The following ADAMTS3 variants were observed in gnomAD, a reference collection of about 807,000 sequenced individuals.
The protein encoded by ADAMTS3 is ADAM metallopeptidase with thrombospondin type 1 motif 3.
Under a neutral mutation model 129.0 loss-of-function variants are expected in ADAMTS3, and 73 were observed. The observed-to-expected ratio is 0.57, with a 90% CI of 0.47 to 0.69. The LOEUF (loss-of-function observed/expected upper bound fraction) is 0.69, where lower values mean the gene tolerates loss of function less well. ADAMTS3 is among the 30% of genes least tolerant of loss of function. The pLI is 0.00. For synonymous variants in ADAMTS3, 477 were observed against 510.8 expected (o/e 0.93, Z 0.89); for missense variants, 1,457 against 1,514.5 (o/e 0.96, Z 0.63).
chr4:72,561,709 T>C (rs979479536), intron 2 of ADAMTS3, among the ~76,000 whole-genome samples: 13 of 152,212 alleles, frequency 8.5e-5, no homozygotes, highest in Non-Finnish European at 1.6e-4. Flanking sequence ...TGAGGAATCA[T>C]ATATTTAATC....
At chr4:72,458,840 A>C (rs72853004) in intron 3 of ADAMTS3, among the ~76,000 whole-genome samples, 2 of 151,644 alleles carry the variant, frequency 1.3e-5, no homozygotes, top group Middle Eastern at 3.4e-3. Context: ...TTCAGTAAGA[A>C]CAAGGCTGAA....
intron 4 of ADAMTS3, among the ~76,000 whole-genome samples, chr4:72,347,748 T>C (rs1446970214): frequency 1.3e-5 from 2 of 151,894 alleles, no homozygotes; most frequent in Admixed American, 6.6e-5. Context: ...ATCAAGGAGG[T>C]AATAGAAGAG....
chr4:72,469,800 A>G (rs1167524704), intron 3 of ADAMTS3, among the ~76,000 whole-genome samples: 1 of 152,168 alleles, frequency 6.6e-6, no homozygotes, highest in African/African-American at 2.4e-5. Context: ...AATGAATAAT[A>G]AATACATTTT....
At chr4:72,331,240 T>C (rs773715117) in intron 5 of ADAMTS3, among the ~76,000 whole-genome samples, 3 of 152,160 alleles carry the variant, frequency 2.0e-5, no homozygotes, top group African/African-American at 4.8e-5. Flanking sequence ...AGTATGTTTT[T>C]ATAAAAGGTG....
Position 72,568,831 on chromosome 4 carries a change from C to CCACA in ADAMTS3, c.-70_-69insTGTG. The CCACA allele has an allele frequency of 1.7e-6, 2 of 1,177,370 alleles. No individual in the cohort carries two copies. The highest frequency in any genetic ancestry group is 2.4e-6 in the Non-Finnish European group (2 of 829,350). The allele number at this position is 1,177,370 out of a possible 1,614,324, so 72.9% of individuals were successfully genotyped here. ...CCAGAGCAAACCCACCCCCCCCGCCCAAAATAAGTTTCTTTAAGAAAAAAA... is the reference window on the plus strand; with the variant it reads ...CCAGAGCAAACCCACCCCCCCCGCCCCACAAAAATAAGTTTCTTTAAGAAAAAAA... On this transcript the variant is annotated 5_prime_UTR_variant, in exon 1 of 22. Transcript: ENST00000286657.
At chr4:72,396,788 A>T (rs1238425695) in intron 4 of ADAMTS3, among the ~76,000 whole-genome samples, 1 of 152,218 alleles carries the variant, frequency 6.6e-6, no homozygotes, top group Non-Finnish European at 1.5e-5. Context: ...TAAAACAAAG[A>T]ACCCTTATTT....
At chr4:72,560,547 G>A (rs1721878060) in intron 2 of ADAMTS3, among the ~76,000 whole-genome samples, 1 of 152,162 alleles carries the variant, frequency 6.6e-6, no homozygotes, top group Non-Finnish European at 1.5e-5. Context: ...AACATGGATG[G>A]AGCTGGAAGC....
chr4:72,364,574 A>T (rs1212376141), intron 4 of ADAMTS3, among the ~76,000 whole-genome samples: 1 of 151,818 alleles, frequency 6.6e-6, no homozygotes, highest in Non-Finnish European at 1.5e-5. Flanking sequence ...AGATTGTGCC[A>T]CCGCACTCCA....
chr4:72,434,688 G>A (rs182828273), intron 3 of ADAMTS3, among the ~76,000 whole-genome samples: 74 of 151,998 alleles, frequency 4.9e-4, no homozygotes, highest in Non-Finnish European at 8.5e-4. Context: ...GGGTTTTGCA[G>A]ATGCAATTAA....
intron 3 of ADAMTS3, among the ~76,000 whole-genome samples, chr4:72,456,484 C>A (rs995401152): frequency 6.8e-6 from 1 of 147,598 alleles, no homozygotes; most frequent in Admixed American, 6.9e-5. Context: ...AAGTTTCTGG[C>A]TCCACAAAAC....
intron 5 of ADAMTS3, among the ~76,000 whole-genome samples, chr4:72,329,505 CAG>C (rs1719789211): frequency 6.6e-6 from 1 of 152,192 alleles, no homozygotes; most frequent in Non-Finnish European, 1.5e-5. Context: ...AGAGGACACA[CAG>C]TGTTTTCCTC....
chr4:72,520,550 C>T (rs1267356624), intron 3 of ADAMTS3, among the ~76,000 whole-genome samples: 6 of 152,274 alleles, frequency 3.9e-5, no homozygotes, highest in Non-Finnish European at 7.4e-5. Context: ...CAATGGCGGG[C>T]GCCCCTCCCC....
chr4:72,556,465 G>A (rs1453568193), intron 2 of ADAMTS3, among the ~76,000 whole-genome samples: 4 of 151,636 alleles, frequency 2.6e-5, no homozygotes, highest in Non-Finnish European at 4.4e-5. Context: ...ACATTGCAAT[G>A]ACTTTGAGCG....
chr4:72,542,720 A>T (rs1721365522), intron 3 of ADAMTS3, among the ~76,000 whole-genome samples: 1 of 152,214 alleles, frequency 6.6e-6, no homozygotes, highest in African/African-American at 2.4e-5. Context: ...TGTTCTACAT[A>T]ATAAAGTTCT....
intron 6 of ADAMTS3, among the ~76,000 whole-genome samples, chr4:72,321,253 C>A (rs1287239275): frequency 6.6e-6 from 1 of 152,112 alleles, no homozygotes; most frequent in Non-Finnish European, 1.5e-5. Flanking sequence ...CTCACTGCAA[C>A]CTCTGCCTCT....
chr4:72,333,403 A>G (rs1455420298), intron 5 of ADAMTS3, among the ~76,000 whole-genome samples: 1 of 152,174 alleles, frequency 6.6e-6, no homozygotes, highest in African/African-American at 2.4e-5. Context: ...TCTTTCCCTC[A>G]GCCCATGGAT....
At chr4:72,522,075 G>C (rs192827871) in intron 3 of ADAMTS3, among the ~76,000 whole-genome samples, 1 of 152,260 alleles carries the variant, frequency 6.6e-6, no homozygotes, top group Non-Finnish European at 1.5e-5. Flanking sequence ...CCTTAATTGA[G>C]TTGGCAGGTT....
intron 3 of ADAMTS3, among the ~76,000 whole-genome samples, chr4:72,516,471 T>C (rs79202878): frequency 0.29 from 44,123 of 152,068 alleles, 6,658 homozygotes; most frequent in Middle Eastern, 0.35. Flanking sequence ...ACCATGAGCA[T>C]GGAATGTTCT....
chr4:72,519,205 C>A (rs1332018624), intron 3 of ADAMTS3, among the ~76,000 whole-genome samples: 1 of 152,154 alleles, frequency 6.6e-6, no homozygotes, highest in Non-Finnish European at 1.5e-5. Context: ...GCCGAGAGAT[C>A]CGCTGTTAGT....
Sources: gnomAD v4.1 joint callset for allele counts (sites outside exome capture counted in the v4.1 genomes callset) on GRCh38, gnomAD v4.1.1 for gene constraint, MANE v1.5 for transcripts, NCBI Gene and HGNC (gene_info 2026-07-23, HGNC 2026-07-21) for gene names.